PCDHGA2: variants seen among roughly 807,000 people sequenced by gnomAD.
PCDHGA2 encodes the protein protocadherin gamma-A2.
PCDHGA2 carries 40 observed loss-of-function variants against 59.2 expected under a neutral mutation model. The ratio of observed to expected loss-of-function variants is 0.68; its 90% CI spans 0.52 to 0.88. The LOEUF (loss-of-function observed/expected upper bound fraction) is 0.88. PCDHGA2 is among the 40% of genes least tolerant of loss of function. The pLI, the probability that PCDHGA2 is intolerant of heterozygous loss-of-function variation, is 0.00. For synonymous variants in PCDHGA2, 560 were observed against 526.0 expected (o/e 1.06, Z -0.89); for missense variants, 1,226 against 1,204.0 (o/e 1.02, Z -0.27).
intron 1 of PCDHGA2, among the ~76,000 whole-genome samples, chr5:141,435,099 TA>T (rs892317840): frequency 2.0e-5 from 3 of 152,260 alleles, no homozygotes; most frequent in African/African-American, 7.2e-5. Context: ...TCTGTTTATC[TA>T]GGGGGGAGAA....
At chr5:141,395,517 T>G in intron 1 of PCDHGA2, 2 of 415,414 alleles carry the variant, frequency 4.8e-6, no homozygotes, top group Non-Finnish European at 4.3e-6. Context: ...TAGCTACCCG[T>G]CCATACTGGT....
At chr5:141,422,881 T>G in intron 1 of PCDHGA2, 1 of 1,614,214 alleles carries the variant, frequency 6.2e-7, no homozygotes, top group East Asian at 2.2e-5. Flanking sequence ...GCTGAGCCTG[T>G]TCGTGCTGGA....
chr5:141,403,341 C>T (rs1279947533), intron 1 of PCDHGA2: 1 of 1,613,988 alleles, frequency 6.2e-7, no homozygotes, highest in Non-Finnish European at 8.5e-7. Flanking sequence ...AACGACAGCG[C>T]CCCAAAGTTC....
At chr5:141,350,576 GT>G (rs1561497816) in intron 1 of PCDHGA2, 2 of 1,614,038 alleles carry the variant, frequency 1.2e-6, no homozygotes, top group South Asian at 2.2e-5. Context: ...ATTCGAAACG[GT>G]CGCTGAAAAC....
chr5:141,390,234 G>A (rs1357417854), intron 1 of PCDHGA2: 15 of 1,614,046 alleles, frequency 9.3e-6, no homozygotes, highest in Non-Finnish European at 1.3e-5. Context: ...TGATTCATCT[G>A]GGGCCTTATT....
chr5:141,345,291 A>G (rs776295747), intron 1 of PCDHGA2: 25 of 1,613,860 alleles, frequency 1.5e-5, no homozygotes, highest in Non-Finnish European at 1.9e-5. Flanking sequence ...AGAATATAAC[A>G]TTAGTCTGAG....
chr5:141,490,623 T>C lies in PCDHGA2; in HGVS notation c.2425-4184T>C. The C allele has an allele frequency of 3.1e-6, 5 of 1,614,174 alleles. No individual in the cohort carries two copies. The highest frequency in any genetic ancestry group is 4.2e-6 in the Non-Finnish European group (5 of 1,180,020). ...GCTTCAACCAGCAGCTTTACACTGC[T>C]TACATCCTAGAAAACCGGCCTCCGG... On this transcript the variant is annotated intron_variant, in intron 1 of 3. Coordinates refer to ENST00000394576, the MANE Select transcript of PCDHGA2 (RefSeq NM_018915.4). This position sits in a 1 kb window ranked among gnomAD's most constrained non-coding sequence, Gnocchi z 5.4.
intron 1 of PCDHGA2, chr5:141,421,454 T>C: frequency 6.2e-7 from 1 of 1,614,132 alleles, no homozygotes; most frequent in Non-Finnish European, 8.5e-7. Flanking sequence ...ACACAGCTTT[T>C]CGCTGTGAAT....
chr5:141,394,514 C>G (rs2093021412), intron 1 of PCDHGA2: 2 of 1,614,230 alleles, frequency 1.2e-6, no homozygotes, highest in South Asian at 1.1e-5. Context: ...ACCCCGCCCT[C>G]CCCACAGACG....
chr5:141,403,358 G>C (rs1031210052), intron 1 of PCDHGA2: 3 of 1,614,026 alleles, frequency 1.9e-6, no homozygotes, highest in Non-Finnish European at 2.5e-6. Flanking sequence ...GTTCCAGGCC[G>C]AAAGTCTGGA....
chr5:141,460,981 G>GTA (rs1491204135), intron 1 of PCDHGA2, among the ~76,000 whole-genome samples: 1,658 of 121,856 alleles, frequency 0.014, 27 homozygotes, highest in African/African-American at 0.051. Flanking sequence ...GTGTGTGTGT[G>GTA]TGTATATATA....
chr5:141,393,799 G>C lies in PCDHGA2; in HGVS notation c.2424+52404G>C, dbSNP rs2092846945. ...GCCGAAGATGTGGGGGCACTTCTGG[G>C]GAGGACCAAATTGCTCATTTCGGTG... On this transcript the variant is annotated intron_variant, in intron 1 of 3. Transcript: ENST00000394576. 2.5e-6 allele frequency: 4 copies of C among 1,613,802 alleles called. No homozygotes were observed. The highest frequency in any genetic ancestry group is 2.5e-6 in the Non-Finnish European group (3 of 1,179,888).
chr5:141,417,919 G>C, intron 1 of PCDHGA2: 1 of 1,605,944 alleles, frequency 6.2e-7, no homozygotes, highest in Non-Finnish European at 8.5e-7. Flanking sequence ...TATTTCCTTT[G>C]CTGCTGCCTT....
intron 1 of PCDHGA2, among the ~76,000 whole-genome samples, chr5:141,461,616 T>A (rs1399885412): frequency 6.6e-6 from 1 of 152,236 alleles, no homozygotes; most frequent in African/African-American, 2.4e-5. Context: ...CAAAGTATTT[T>A]CTAATACACC....
chr5:141,345,461 C>A, intron 1 of PCDHGA2: 1 of 1,614,160 alleles, frequency 6.2e-7, no homozygotes, highest in Non-Finnish European at 8.5e-7. Flanking sequence ...CAGTGACAGC[C>A]CAGGACCCAG....
At chr5:141,472,022 T>A (rs949257396) in intron 1 of PCDHGA2, among the ~76,000 whole-genome samples, 6 of 152,176 alleles carry the variant, frequency 3.9e-5, no homozygotes, top group African/African-American at 1.4e-4. Context: ...CTATATTGTA[T>A]GTAGAAAGCT....
At chr5:141,428,088 C>G (rs761980796) in intron 1 of PCDHGA2, 5 of 1,608,920 alleles carry the variant, frequency 3.1e-6, no homozygotes, top group Non-Finnish European at 4.2e-6. Context: ...CAACGCTTGG[C>G]TGTCCTACCA....
intron 1 of PCDHGA2, among the ~76,000 whole-genome samples, chr5:141,467,361 G>A (rs555435172): frequency 1.3e-5 from 2 of 151,860 alleles, no homozygotes; most frequent in South Asian, 4.2e-4. Context: ...CCAAATCAAC[G>A]TTTTCTTATA....
At chr5:141,376,183 C>G (rs1772387950) in intron 1 of PCDHGA2, 1 of 1,614,148 alleles carries the variant, frequency 6.2e-7, no homozygotes, top group Admixed American at 1.7e-5. Context: ...TGGCCGCGGT[C>G]TCCTGCGTCT....
Sources: gnomAD v4.1 joint callset for allele counts (sites outside exome capture counted in the v4.1 genomes callset) on GRCh38, gnomAD v4.1.1 for gene constraint, Gnocchi (gnomAD v3.1) non-coding constraint, MANE v1.5 for transcripts, NCBI Gene and HGNC (gene_info 2026-07-23, HGNC 2026-07-21) for gene names.